Variants in MAP3K7CL observed in about 807,000 individuals in gnomAD.
The protein encoded by MAP3K7CL is MAP3K7 C-terminal-like protein.
MAP3K7CL carries 16 observed loss-of-function variants against 18.6 expected under a neutral mutation model. The observed-to-expected ratio is 0.86, with a 90% confidence interval of 0.58 to 1.31. The LOEUF is 1.31. MAP3K7CL is among the 50% of genes most tolerant of loss of function. MAP3K7CL has a pLI of 0.00. For synonymous variants in MAP3K7CL, 65 were observed against 66.8 expected, an observed-to-expected ratio of 0.97 and a Z score of 0.13; for missense variants, 163 against 174.4, an observed-to-expected ratio of 0.93 and a Z score of 0.37.
At chr21:29,079,757 A>C (rs1013969257) in intron 1 of MAP3K7CL, among the ~76,000 whole-genome samples, 1 of 152,168 alleles carries the variant, frequency 6.6e-6, no homozygotes, top group African/African-American at 2.4e-5. Flanking sequence ...AGTTTCAAGA[A>C]TAGTCCAATC....
chr21:29,167,660 G>A (rs2087722001), intron 4 of MAP3K7CL, among the ~76,000 whole-genome samples: 1 of 151,496 alleles, frequency 6.6e-6, no homozygotes, highest in Non-Finnish European at 1.5e-5. Context: ...TGTCAGGCAG[G>A]GGACTGTACC....
At chr21:29,130,385 C>G (rs2086756699), upstream of MAP3K7CL, 1 of 156,244 alleles carries the variant, frequency 6.4e-6, no homozygotes, top group African/African-American at 2.4e-5. Context: ...TCCAAGTTGG[C>G]TGGGTCTGGC....
At position 29,149,197 on chromosome 21, in the gene MAP3K7CL, C is replaced by G. The variant is rs752198255; in HGVS notation, c.79C>G (p.Pro27Ala). The change falls in exon 3 of 5, where the codon CCC becomes GCC. Residue 27 changes from proline (P) to alanine (A), a missense_variant. By Grantham distance (27) the Pro-to-Ala change is conservative (BLOSUM62 -1). Coordinates refer to ENST00000399928, the MANE Select transcript of MAP3K7CL (RefSeq NM_001286620.2). ...FSLNDASDDTPPEDSIPLVFP... is the reference protein window; with the variant it reads ...FSLNDASDDTAPEDSIPLVFP... ...TTATTTCCTTGTTTTAGATGATACACCCCCTGAAGACTCCATTCCTTTGGT... is the reference window on the plus strand; with the variant it reads ...TTATTTCCTTGTTTTAGATGATACAGCCCCTGAAGACTCCATTCCTTTGGT... 6.2e-7 allele frequency: 1 copy of G among 1,613,706 alleles called. No individual in the cohort carries two copies. The highest frequency in any genetic ancestry group is 1.3e-5 in the African/African-American group (1 of 75,012).
intron 1 of MAP3K7CL, chr21:29,080,704 C>T (rs1202357438): frequency 6.6e-6 from 1 of 152,024 alleles, no homozygotes; most frequent in African/African-American, 2.4e-5. Flanking sequence ...AGTGTAGCCC[C>T]CAAGGTGAGT....
chr21:29,168,529 TGC>T (rs1327722771), intron 4 of MAP3K7CL, among the ~76,000 whole-genome samples: 1 of 152,214 alleles, frequency 6.6e-6, no homozygotes, highest in Non-Finnish European at 1.5e-5. Flanking sequence ...GTATCCCAGA[TGC>T]CATCAGGCTG....
At chr21:29,153,897 T>A (rs922457735) in intron 3 of MAP3K7CL, among the ~76,000 whole-genome samples, 12 of 152,208 alleles carry the variant, frequency 7.9e-5, no homozygotes, top group African/African-American at 2.9e-4. Flanking sequence ...GAACCATGAT[T>A]TGACTTACAC....
At chr21:29,112,918 C>G (rs149847977) in intron 4 of MAP3K7CL, among the ~76,000 whole-genome samples, 1 of 151,822 alleles carries the variant, frequency 6.6e-6, no homozygotes, top group East Asian at 1.9e-4. Context: ...AAGCGATTCT[C>G]CTGTCTCAGC....
chr21:29,134,784 T>C (rs1227265250), intron 2 of MAP3K7CL, among the ~76,000 whole-genome samples: 1 of 152,188 alleles, frequency 6.6e-6, no homozygotes, highest in African/African-American at 2.4e-5. Flanking sequence ...GCACGGTGGC[T>C]CACGCCTGTA....
intron 1 of MAP3K7CL, chr21:29,077,786 G>T (rs1023525618): frequency 7.2e-5 from 11 of 152,322 alleles, no homozygotes; most frequent in Admixed American, 5.2e-4. Flanking sequence ...AATCAAGAGG[G>T]TTTTTGCGCA....
upstream of MAP3K7CL, among the ~76,000 whole-genome samples, chr21:29,082,008 C>G (rs1197977757): frequency 6.6e-6 from 1 of 152,162 alleles, no homozygotes; most frequent in Non-Finnish European, 1.5e-5. Flanking sequence ...GTGCAAAGAC[C>G]TGGGTTTGAT....
intron 3 of MAP3K7CL, among the ~76,000 whole-genome samples, chr21:29,154,603 G>A (rs998823663): frequency 1.3e-5 from 2 of 152,090 alleles, no homozygotes; most frequent in Non-Finnish European, 2.9e-5. Context: ...CAGCCTCTCC[G>A]AAAACTTCTT....
chr21:29,099,040 G>A (rs2086173246), intron 4 of MAP3K7CL, among the ~76,000 whole-genome samples: 1 of 152,130 alleles, frequency 6.6e-6, no homozygotes, highest in African/African-American at 2.4e-5. Context: ...GTTTAGGGCA[G>A]TGGTTCACTC....
intron 4 of MAP3K7CL, among the ~76,000 whole-genome samples, chr21:29,098,245 AT>A (rs964320916): frequency 2.0e-5 from 3 of 152,024 alleles, no homozygotes; most frequent in Non-Finnish European, 2.9e-5. Context: ...TTTAAGAGGG[AT>A]TTTTCTCTCC....
chr21:29,140,260 C>T (rs768956650), intron 2 of MAP3K7CL, among the ~76,000 whole-genome samples: 1 of 152,104 alleles, frequency 6.6e-6, no homozygotes, highest in South Asian at 2.1e-4. Flanking sequence ...GGTTCATTAT[C>T]CTGGTGTCAG....
At position 29,085,955 on chromosome 21, in the gene MAP3K7CL, G is replaced by C. The variant is rs73344786; in HGVS notation, c.57+38G>C. The C allele has an allele frequency of 1.5e-3, 2,399 of 1,609,896 alleles. 37 individuals carry two copies. In the African/African-American group the frequency reaches 0.029, roughly 19 times the overall value. ...TCCCCCAACCCCTTCCTGTAAAACT[G>C]TCGACTATAATCCTGTTTTCAGTGA... On this transcript the variant is annotated intron_variant, in intron 1 of 6. Transcript: ENST00000286791.
At chr21:29,103,478 C>T (rs146233139) in intron 4 of MAP3K7CL, among the ~76,000 whole-genome samples, 3 of 152,068 alleles carry the variant, frequency 2.0e-5, no homozygotes, top group East Asian at 1.9e-4. Flanking sequence ...TGCCTGTAAT[C>T]CCAGCACTTT....
chr21:29,095,441 G>C (rs67861640), intron 4 of MAP3K7CL, among the ~76,000 whole-genome samples: 7,755 of 152,228 alleles, frequency 0.051, 459 homozygotes, highest in East Asian at 0.16. Context: ...GGGGATAAGG[G>C]GAATGTGGGG....
chr21:29,167,931 C>A (rs1025125795), intron 4 of MAP3K7CL, among the ~76,000 whole-genome samples: 4 of 151,878 alleles, frequency 2.6e-5, no homozygotes, highest in Non-Finnish European at 5.9e-5. Flanking sequence ...GATCTCCTGA[C>A]CTCGTGGTCC....
chr21:29,174,177 A>G (rs1482678202), intron 4 of MAP3K7CL, among the ~76,000 whole-genome samples: 3 of 152,182 alleles, frequency 2.0e-5, no homozygotes, highest in African/African-American at 7.2e-5. Context: ...TTGGGCTGCA[A>G]TATATATGTA....
Sources: allele counts gnomAD v4.1 joint callset (sites outside exome capture counted in the v4.1 genomes callset), GRCh38; gene constraint gnomAD v4.1.1; transcripts MANE v1.5; gene names NCBI Gene and HGNC (gene_info 2026-07-23, HGNC 2026-07-21).